The following SAMD3 variants were observed in gnomAD, a reference collection of about 807,000 sequenced individuals.
SAMD3 encodes sterile alpha motif domain-containing protein 3.
A neutral mutation model predicts 58.5 loss-of-function variants in SAMD3; 63 were observed. That is an observed-to-expected ratio of 1.08 (90% CI 0.88 to 1.33). The LOEUF (loss-of-function observed/expected upper bound fraction) is 1.33. Ranked by LOEUF, SAMD3 falls within the 40% of genes most tolerant of loss-of-function variation. The probability of loss-of-function intolerance (pLI) is 0.00; values close to 1 mark genes in which losing one functional copy is unlikely to be tolerated. For missense variants in SAMD3, 604 were observed against 608.4 expected (o/e 0.99, Z 0.08); for synonymous variants, 220 against 210.3 (o/e 1.05, Z -0.40).
intron 7 of SAMD3, chr6:130,183,351 GA>G (rs533017471): frequency 0.15 from 44,520 of 298,794 alleles, no homozygotes; most frequent in South Asian, 0.22. Flanking sequence ...AAAAAAAAAG[GA>G]AAAAAAAAAA....
intron 4 of SAMD3, among the ~76,000 whole-genome samples, chr6:130,212,782 C>T (rs969031942): frequency 2.6e-5 from 4 of 152,168 alleles, no homozygotes; most frequent in Non-Finnish European, 5.9e-5. Flanking sequence ...TTTCAAGATT[C>T]CACTCAATGG....
chr6:130,171,907 A>G (rs1463799381), intron 8 of SAMD3, among the ~76,000 whole-genome samples: 1 of 152,180 alleles, frequency 6.6e-6, no homozygotes, highest in East Asian at 1.9e-4. Context: ...CTAGGTGCAT[A>G]TATATTTAGC....
At chr6:130,321,866 A>ATATTC (rs1295670378) in intron 1 of SAMD3, among the ~76,000 whole-genome samples, 2 of 152,220 alleles carry the variant, frequency 1.3e-5, no homozygotes, top group Non-Finnish European at 2.9e-5. Flanking sequence ...TATTCTACAT[A>ATATTC]TATTCAGACC....
At chr6:130,184,356 G>A in intron 6 of SAMD3, 82 bp downstream of exon 6, 1 of 1,362,946 alleles carries the variant, frequency 7.3e-7, no homozygotes, top group East Asian at 2.3e-5. Flanking sequence ...ACAATCTGAA[G>A]AGAGTTGATT....
intron 1 of SAMD3, among the ~76,000 whole-genome samples, chr6:130,348,592 C>A (rs1227284580): frequency 6.6e-6 from 1 of 152,134 alleles, no homozygotes; most frequent in East Asian, 1.9e-4. Flanking sequence ...TCCTTAGAGA[C>A]CTACAAAGAG....
chr6:130,213,108 C>G (rs1795705523), intron 4 of SAMD3, among the ~76,000 whole-genome samples: 1 of 151,922 alleles, frequency 6.6e-6, no homozygotes, highest in African/African-American at 2.4e-5. Context: ...CACAGTGAAA[C>G]CACCATTTGT....
intron 2 of SAMD3, among the ~76,000 whole-genome samples, chr6:130,301,730 A>T (rs1775755769): frequency 6.6e-6 from 1 of 152,274 alleles, no homozygotes; most frequent in Admixed American, 6.5e-5. Context: ...AGTGAAAAAC[A>T]AACAAACAAA....
At chr6:130,217,139 G>A (rs1473190600) in intron 1 of SAMD3, among the ~76,000 whole-genome samples, 1 of 152,028 alleles carries the variant, frequency 6.6e-6, no homozygotes, top group Non-Finnish European at 1.5e-5. Context: ...AAATAAAAAA[G>A]CATATAGTTT....
chr6:130,250,056 G>T (rs1034967549), intron 2 of SAMD3, among the ~76,000 whole-genome samples: 2 of 152,134 alleles, frequency 1.3e-5, no homozygotes, highest in Non-Finnish European at 2.9e-5. Context: ...GAAATATGCG[G>T]GAATGGAGAG....
At position 130,331,267 on chromosome 6, in the gene SAMD3, A is replaced by G. The variant is rs561295012; in HGVS notation, c.-303-18174T>C. On this transcript the variant is annotated intron_variant, in intron 1 of 13. Transcript: ENST00000368134. ...CTTTGGATATTCTGTACAATCCAAT[A>G]ATACAAGGCAAATAAGACATAAAAC... 2.0e-5 allele frequency among the ~76,000 whole-genome samples: 3 copies of G among 152,370 alleles called. No homozygotes were observed. In the East Asian group the frequency reaches 5.8e-4, roughly 29 times the overall value.
chr6:130,255,793 C>T (rs1773908020), intron 2 of SAMD3, among the ~76,000 whole-genome samples: 1 of 151,854 alleles, frequency 6.6e-6, no homozygotes, highest in African/African-American at 2.4e-5. Flanking sequence ...CACACCTGAC[C>T]CCAGTCTATA....
chr6:130,214,228 G>T, intron 4 of SAMD3, 109 bp downstream of exon 4: 1 of 834,556 alleles, frequency 1.2e-6, no homozygotes, highest in Non-Finnish European at 1.8e-6. Context: ...ATACAATCTA[G>T]CTGAAAACGG....
intron 2 of SAMD3, among the ~76,000 whole-genome samples, chr6:130,292,449 G>A (rs1775403703): frequency 6.6e-6 from 1 of 151,506 alleles, no homozygotes; most frequent in Non-Finnish European, 1.5e-5. Flanking sequence ...ACCATGCCCG[G>A]CTAATTTTTG....
intron 2 of SAMD3, among the ~76,000 whole-genome samples, chr6:130,268,349 C>T (rs1297869218): frequency 6.6e-6 from 1 of 151,958 alleles, no homozygotes; most frequent in African/African-American, 2.4e-5. Context: ...CATGAGAGAA[C>T]TTATAAGGTA....
At chr6:130,287,947 A>G (rs1321537342) in intron 2 of SAMD3, among the ~76,000 whole-genome samples, 5 of 143,034 alleles carry the variant, frequency 3.5e-5, no homozygotes, top group Non-Finnish European at 8.0e-5. Context: ...CCGTCTCAAA[A>G]AAAAAAAAAA....
chr6:130,219,264 G>A (rs1200253174), intron 1 of SAMD3, among the ~76,000 whole-genome samples: 2 of 151,946 alleles, frequency 1.3e-5, no homozygotes, highest in African/African-American at 4.8e-5. Flanking sequence ...ACACCAAAAG[G>A]GGCTGTCTCT....
At position 130,175,738 on chromosome 6, in the gene SAMD3, G is replaced by A. The variant is rs13196169; in HGVS notation, c.822+103C>T. On this transcript the variant is annotated intron_variant, in intron 8 of 11. Transcript: ENST00000439090. ...TAACTACACTTCAAATTTTAAAAAGGTATCTTATTTTGTTTTAATTATTTT... is the reference window on the plus strand; with the variant it reads ...TAACTACACTTCAAATTTTAAAAAGATATCTTATTTTGTTTTAATTATTTT... 2.6e-4 allele frequency: 192 copies of A among 750,694 alleles called. No homozygotes were observed. In the Middle Eastern group the frequency reaches 2.6e-3, roughly 10 times the overall value. The allele number at this position is 750,694 out of a possible 1,614,324, so 46.5% of individuals were successfully genotyped here.
chr6:130,184,147 G>A lies in SAMD3; in HGVS notation c.610C>T (p.Leu204=). 1 of 1,614,086 alleles carries A rather than the reference G, an allele frequency of 6.2e-7. No individual in the cohort carries two copies. Among genetic ancestry groups the A allele is most frequent in the Non-Finnish European group, 8.5e-7 (1 of 1,179,968 alleles). ...TQQYNDVVNA[L]LQAHPFLDED... ...TCCAGGAAAGGGTGGGCCTGCAGCA[G>A]GGCATTAACCACGTCATTGTACTGC... The change falls in exon 7 of 12, where the codon CTG becomes TTG. Residue 204 remains leucine (L), a synonymous_variant. Coordinates refer to ENST00000439090, the MANE Select transcript of SAMD3 (RefSeq NM_001017373.4).
intron 1 of SAMD3, among the ~76,000 whole-genome samples, chr6:130,335,830 A>G (rs984749045): frequency 6.6e-6 from 1 of 152,102 alleles, no homozygotes; most frequent in African/African-American, 2.4e-5. Flanking sequence ...AATACTATGC[A>G]GCCATAAAAA....
Sources: allele counts gnomAD v4.1 joint callset (sites outside exome capture counted in the v4.1 genomes callset), GRCh38; gene constraint gnomAD v4.1.1; transcripts MANE v1.5; gene names NCBI Gene and HGNC (gene_info 2026-07-23, HGNC 2026-07-21).